Variants in FAM184B observed in about 807,000 individuals in gnomAD.
FAM184B encodes the protein family with sequence similarity 184 member B.
In FAM184B, 111 loss-of-function variants were observed where a neutral mutation model predicts 135.9. The observed-to-expected ratio is 0.82, with a 90% CI of 0.70 to 0.96. The LOEUF (loss-of-function observed/expected upper bound fraction) is 0.96, where lower values mean the gene tolerates loss of function less well. Ranked by LOEUF, FAM184B falls within the 40% of genes least tolerant of loss-of-function variation. The pLI is 0.00. For synonymous variants in FAM184B, 552 were observed against 524.8 expected (o/e 1.05, Z -0.71); for missense variants, 1,375 against 1,323.9 (o/e 1.04, Z -0.60).
intron 1 of FAM184B, among the ~76,000 whole-genome samples, chr4:17,778,781 G>A (rs1718979194): frequency 6.6e-6 from 1 of 151,998 alleles, no homozygotes; most frequent in African/African-American, 2.4e-5. Flanking sequence ...ATTGCTTGAG[G>A]CCAGGAGCTT....
At chr4:17,641,227 C>G (rs1715301128) in intron 13 of FAM184B, among the ~76,000 whole-genome samples, 2 of 152,040 alleles carry the variant, frequency 1.3e-5, no homozygotes, top group African/African-American at 4.8e-5. Flanking sequence ...AGCTACCACG[C>G]CAGCCGAGGC....
chr4:17,673,533 C>T lies in FAM184B; in HGVS notation c.1597-8874G>A, dbSNP rs549140165. Among the ~76,000 whole-genome samples, 246 of 152,114 alleles carry T rather than the reference C, an allele frequency of 1.6e-3. 2 individuals carry two copies. The highest frequency in any genetic ancestry group is 5.6e-3 in the African/African-American group (233 of 41,496). On this transcript the variant is annotated intron_variant, in intron 7 of 17. Transcript: ENST00000265018. ...ACCAACCCAAATGCTCATCAATCAA[C>T]GAGCAGATAAAGAAACTGTGGTATA...
Position 17,736,209 on chromosome 4 carries a change from G to A in FAM184B, c.142-26565C>T, listed in dbSNP as rs1007394068. Among the ~76,000 whole-genome samples, 6 of 152,198 alleles carry A rather than the reference G, an allele frequency of 3.9e-5. No homozygotes were observed. In the East Asian group the frequency reaches 5.8e-4, roughly 15 times the overall value. ...AGCTGGGTAATATGCCTGAGGTTAC[G>A]GGGCTGGAAAACAACAGAACTAGGA... On this transcript the variant is annotated intron_variant, in intron 1 of 17. Transcript: ENST00000265018.
intron 5 of FAM184B, among the ~76,000 whole-genome samples, chr4:17,694,786 A>G (rs4235391): frequency 0.61 from 93,028 of 152,056 alleles, 29,034 homozygotes; most frequent in East Asian, 0.93. Flanking sequence ...ACAGGCAGCA[A>G]TCAAAGTCCA....
At chr4:17,751,823 G>GCACACACA (rs3222789) in intron 1 of FAM184B, among the ~76,000 whole-genome samples, 6,433 of 115,816 alleles carry the variant, frequency 0.056, 305 homozygotes, top group East Asian at 0.086. Flanking sequence ...TAAAAACAAG[G>GCACACACA]CACACACACA....
rs1196519544 is a variant in FAM184B at position 17,632,068 on chromosome 4, T to A, written c.*464A>T. 4.5e-4 allele frequency: 13 copies of A among 28,986 alleles called. No individual in the cohort carries two copies. The highest frequency in any genetic ancestry group is 1.5e-3 in the African/African-American group (13 of 8,858). The allele number at this position is 28,986 out of a possible 1,614,324, so 1.8% of individuals were successfully genotyped here. On this transcript the variant is annotated 3_prime_UTR_variant, in exon 18 of 18. Coordinates refer to ENST00000265018, the MANE Select transcript of FAM184B (RefSeq NM_015688.2). The stretch of plus-strand genomic sequence containing the variant: ...ATTTTTTTTTTTTTTTTTTTTTTTT[T>A]TTTTTTTTTTTTTTTTTTTGGAGAC...
intron 1 of FAM184B, among the ~76,000 whole-genome samples, chr4:17,723,135 A>G (rs943098451): frequency 6.6e-6 from 1 of 152,206 alleles, no homozygotes; most frequent in Non-Finnish European, 1.5e-5. Context: ...TTATTTTTGC[A>G]TAGCACTTTC....
At chr4:17,675,213 T>A (rs1716284254) in intron 7 of FAM184B, among the ~76,000 whole-genome samples, 1 of 152,204 alleles carries the variant, frequency 6.6e-6, no homozygotes, top group South Asian at 2.1e-4. Context: ...AAAGGAGAAA[T>A]TATTCCTTGA....
At chr4:17,777,837 C>T (rs763386282) in intron 1 of FAM184B, among the ~76,000 whole-genome samples, 16 of 152,272 alleles carry the variant, frequency 1.1e-4, no homozygotes, top group Non-Finnish European at 2.2e-4. Context: ...CATATGCACC[C>T]CTGTAATCCC....
chr4:17,767,453 G>A (rs868713613), intron 1 of FAM184B, among the ~76,000 whole-genome samples: 26 of 152,338 alleles, frequency 1.7e-4, no homozygotes, highest in Admixed American at 9.1e-4. Context: ...ATTGCTAAAG[G>A]AAGAAAACCT....
intron 1 of FAM184B, among the ~76,000 whole-genome samples, chr4:17,757,688 G>A (rs2109045): frequency 0.039 from 5,991 of 151,934 alleles, 187 homozygotes; most frequent in Non-Finnish European, 0.058. Flanking sequence ...GAGCAACAGA[G>A]GTACATTATA....
intron 8 of FAM184B, 69 bp downstream of exon 8, chr4:17,664,493 T>C: frequency 1.6e-6 from 2 of 1,212,788 alleles, no homozygotes; most frequent in East Asian, 2.5e-5. Context: ...AATGAATGAA[T>C]GGATGAATCC....
intron 12 of FAM184B, 89 bp downstream of exon 12, chr4:17,647,548 C>A: frequency 1.4e-6 from 2 of 1,447,338 alleles, no homozygotes; most frequent in Non-Finnish European, 1.9e-6. Flanking sequence ...TGCACTCAGC[C>A]TCAGAGCCCA....
chr4:17,771,587 A>G (rs1367581553), intron 1 of FAM184B, among the ~76,000 whole-genome samples: 2 of 152,196 alleles, frequency 1.3e-5, no homozygotes, highest in African/African-American at 2.4e-5. Flanking sequence ...TGCAAGCAAG[A>G]GGATATTTTC....
intron 11 of FAM184B, among the ~76,000 whole-genome samples, chr4:17,651,187 A>G (rs1351121989): frequency 6.6e-6 from 1 of 152,196 alleles, no homozygotes. Flanking sequence ...AAAATGAGGG[A>G]CAGGGATGAT....
intron 1 of FAM184B, among the ~76,000 whole-genome samples, chr4:17,761,229 G>C (rs999034272): frequency 6.6e-6 from 1 of 151,912 alleles, no homozygotes. Flanking sequence ...TATTAGAAGA[G>C]GAAGAGACAG....
At chr4:17,664,426 A>G in intron 8 of FAM184B, 136 bp downstream of exon 8, 1 of 648,662 alleles carries the variant, frequency 1.5e-6, no homozygotes, top group Non-Finnish European at 2.6e-6. Flanking sequence ...CATACAAGAT[A>G]TGCTTGTTGC....
At chr4:17,753,216 T>G (rs951955238) in intron 1 of FAM184B, among the ~76,000 whole-genome samples, 1 of 152,230 alleles carries the variant, frequency 6.6e-6, no homozygotes, top group Non-Finnish European at 1.5e-5. Flanking sequence ...TAATTGTTTG[T>G]TTATTTACAT....
chr4:17,683,224 G>A (rs1174275253), intron 7 of FAM184B, among the ~76,000 whole-genome samples: 6 of 152,222 alleles, frequency 3.9e-5, no homozygotes, highest in African/African-American at 9.6e-5. Context: ...CAAAGCACAC[G>A]TGTTGCTGGT....
Sources: gnomAD v4.1 joint callset for allele counts (sites outside exome capture counted in the v4.1 genomes callset) on GRCh38, gnomAD v4.1.1 for gene constraint, MANE v1.5 for transcripts, NCBI Gene and HGNC (gene_info 2026-07-23, HGNC 2026-07-21) for gene names.